Variants in ITGAM observed in about 807,000 individuals in gnomAD.
ITGAM encodes integrin alpha-M.
ITGAM carries 79 observed loss-of-function variants against 137.5 expected under a neutral mutation model. The observed-to-expected ratio is 0.57, with a 90% CI of 0.48 to 0.69. The LOEUF is 0.69. Among genes scored for constraint, ITGAM ranks in the 30% least tolerant of loss-of-function variants. The pLI is 0.00. For synonymous variants in ITGAM, 583 were observed against 592.3 expected (o/e 0.98, Z 0.23); for missense variants, 1,343 against 1,483.5 (o/e 0.91, Z 1.56).
intron 8 of ITGAM, among the ~76,000 whole-genome samples, chr16:31,275,252 C>T (rs988236314): frequency 6.6e-6 from 1 of 152,128 alleles, no homozygotes; most frequent in Non-Finnish European, 1.5e-5. Context: ...GTAGGACATA[C>T]CTTCATATAA....
At chr16:31,327,370 C>G (rs76939857) in intron 22 of ITGAM, among the ~76,000 whole-genome samples, 2,682 of 151,022 alleles carry the variant, frequency 0.018, 87 homozygotes, top group African/African-American at 0.062. Flanking sequence ...AACAATTGCT[C>G]GAACCCAGGA....
chr16:31,273,365 A>T lies in ITGAM; in HGVS notation c.705A>T (p.Val235=). The part of the protein sequence containing the change: ...THTATGIRKV[V]RELFNITNGA... ...TTTGTCCCTCCTGTTTCCTGCACAG[A>T]CGAGAGCTGTTTAACATCACCAACG... The change falls in exon 8 of 30, where the codon GTA becomes GTT. Residue 235 remains valine, a splice_region_variant and synonymous_variant. Transcript: ENST00000544665. 1 of 1,613,452 alleles carries T rather than the reference A, an allele frequency of 6.2e-7. No homozygotes were observed. The highest frequency in any genetic ancestry group is 2.2e-5 in the East Asian group (1 of 44,852).
In ITGAM at chr16:31,331,741, C is replaced by A. The variant is rs978765486; in HGVS notation, c.*34C>A. ...TCCCGACAGAGCTGCCTCTCGGTGGCCAGCAGGACTCTGCCCAGACCACAC... is the reference window on the plus strand; with the variant it reads ...TCCCGACAGAGCTGCCTCTCGGTGGACAGCAGGACTCTGCCCAGACCACAC... On this transcript the variant is annotated 3_prime_UTR_variant, in exon 30 of 30. Transcript: ENST00000544665. The A allele has an allele frequency of 1.3e-6, 2 of 1,521,416 alleles. No individual in the cohort carries two copies. Among genetic ancestry groups the A allele is most frequent in the Non-Finnish European group, 1.8e-6 (2 of 1,118,110 alleles). The allele number at this position is 1,521,416 out of a possible 1,614,324, so 94.2% of individuals were successfully genotyped here.
At chr16:31,312,873 CT>C (rs58746448) in intron 14 of ITGAM, among the ~76,000 whole-genome samples, 92,930 of 137,384 alleles carry the variant, frequency 0.68, 33,142 homozygotes, top group East Asian at 0.97. Context: ...AGGGAGCAGT[CT>C]TTTTTTTTTT....
In ITGAM at chr16:31,288,250, T is replaced by C. The variant is rs188503168; in HGVS notation, c.1357-9264T>C. On this transcript the variant is annotated intron_variant, in intron 12 of 29. Coordinates refer to ENST00000544665, the MANE Select transcript of ITGAM (RefSeq NM_000632.4). ...GGGTAGGTGTGGCTTATCCCAGACA[T>C]GCAGGGCTTGTTCAATATCCCAAAT... 3.5e-3 allele frequency among the ~76,000 whole-genome samples: 533 copies of C among 152,194 alleles called. 6 individuals are homozygous for C. Among genetic ancestry groups the C allele is most frequent in the African/African-American group, 0.012 (507 of 41,512 alleles).
chr16:31,276,718 G>C lies in ITGAM; in HGVS notation c.1057G>C (p.Glu353Gln), dbSNP rs774952814. The change falls in exon 10 of 30, where the codon GAA becomes CAA. Residue 353 changes from glutamate to glutamine, a missense_variant. By Grantham distance (29) the Glu-to-Gln change is conservative. Transcript: ENST00000544665. ...CTCCTTTGAGCATGAGATGTCTCAG[G>C]AAGGCTTCAGCGCTGCCATCACCTC... ...SSSFEHEMSQ[E>Q]GFSAAITSNG... The C allele has an allele frequency of 6.2e-7, 1 of 1,612,136 alleles. No individual in the cohort carries two copies.
At chr16:31,296,948 TAGTC>T (rs1353379446) in intron 12 of ITGAM, among the ~76,000 whole-genome samples, 3 of 152,190 alleles carry the variant, frequency 2.0e-5, no homozygotes, top group Non-Finnish European at 2.9e-5. Context: ...TTAGCCTTAT[TAGTC>T]AGAGTGCCAA....
intron 14 of ITGAM, among the ~76,000 whole-genome samples, chr16:31,317,231 CT>C (rs1008385177): frequency 6.6e-6 from 1 of 152,054 alleles, no homozygotes; most frequent in African/African-American, 2.4e-5. Flanking sequence ...TAACTAGACA[CT>C]TTTTTTAATG....
Position 31,325,399 on chromosome 16 carries a change from C to G in ITGAM, c.2500C>G (p.Leu834Val), listed in dbSNP as rs1203146688. ...CCTGTCCTACCGGAAGGTGTCCACG[C>G]TCCAGGTAGCCACATCCTTCTCAGG... ...LDLSYRKVST[L>V]QNQRSQRSWR... Residue 834 changes from leucine to valine, a missense_variant, in exon 20 of 30, where the codon CTC becomes GTC. Transcript: ENST00000544665. The G allele has an allele frequency of 6.2e-7, 1 of 1,612,776 alleles. No homozygotes were observed. The highest frequency in any genetic ancestry group is 8.5e-7 in the Non-Finnish European group (1 of 1,179,164).
chr16:31,328,520 TGTGTGCGTGC>T (rs2080533984), intron 23 of ITGAM, among the ~76,000 whole-genome samples: 1 of 151,480 alleles, frequency 6.6e-6, no homozygotes, highest in Non-Finnish European at 1.5e-5. Context: ...GATCTATGTG[TGTGTGCGTGC>T]ATGGGTGTGT....
chr16:31,271,839 C>CT lies in ITGAM; in HGVS notation c.559-7dup. ...TCTCCAGCATCACACCAGCCGCCCC[C>CT]TCCGCAGTTCTCTTTGATGCAGTAC... On this transcript the variant is annotated splice_region_variant and splice_polypyrimidine_tract_variant and intron_variant, in intron 6 of 29. Transcript: ENST00000544665. The CT allele has an allele frequency of 6.2e-7, 1 of 1,613,944 alleles. No homozygotes were observed. Among genetic ancestry groups the CT allele is most frequent in the Non-Finnish European group, 8.5e-7 (1 of 1,179,848 alleles).
At chr16:31,292,746 G>T (rs1334667108) in intron 12 of ITGAM, among the ~76,000 whole-genome samples, 2 of 152,070 alleles carry the variant, frequency 1.3e-5, no homozygotes, top group East Asian at 3.9e-4. Flanking sequence ...TGTCTTTATG[G>T]TAGGATGATA....
intron 2 of ITGAM, among the ~76,000 whole-genome samples, chr16:31,262,209 T>A (rs7196256): frequency 0.7 from 105,828 of 151,928 alleles, 37,096 homozygotes; most frequent in Middle Eastern, 0.85. Flanking sequence ...TCCACTTGTC[T>A]CTTACTGTTT....
At chr16:31,300,223 A>T (rs560735942) in intron 14 of ITGAM, among the ~76,000 whole-genome samples, 3 of 152,206 alleles carry the variant, frequency 2.0e-5, no homozygotes, top group African/African-American at 7.2e-5. Flanking sequence ...GGCTATTGTG[A>T]ATAGTGCTGC....
intron 14 of ITGAM, among the ~76,000 whole-genome samples, chr16:31,302,106 C>T (rs771740807): frequency 3.9e-5 from 6 of 152,070 alleles, no homozygotes; most frequent in African/African-American, 9.7e-5. Flanking sequence ...TTGTAGCTAC[C>T]GTCTTTTCTA....
intron 12 of ITGAM, among the ~76,000 whole-genome samples, chr16:31,294,602 A>G (rs1275863881): frequency 6.6e-6 from 1 of 152,186 alleles, no homozygotes; most frequent in Non-Finnish European, 1.5e-5. Context: ...ATGGTGGATT[A>G]GATTTTTGAT....
chr16:31,302,462 T>TCTTTCTTTCTTTCTTC (rs1567268049), intron 14 of ITGAM, among the ~76,000 whole-genome samples: 4 of 94,502 alleles, frequency 4.2e-5, no homozygotes, highest in African/African-American at 2.6e-4. Flanking sequence ...TTCCTTCCTT[T>TCTTTCTTTCTTTCTTC]CTTTCTTTCT....
intron 16 of ITGAM, among the ~76,000 whole-genome samples, chr16:31,323,390 C>A (rs543077075): frequency 4.7e-5 from 7 of 147,394 alleles, no homozygotes; most frequent in Non-Finnish European, 8.9e-5. Context: ...CGCCCCATTG[C>A]ACTCCAGTCT....
intron 7 of ITGAM, among the ~76,000 whole-genome samples, chr16:31,272,465 T>A (rs8062072): frequency 0.023 from 248 of 10,880 alleles, no homozygotes; most frequent in East Asian, 0.052. Flanking sequence ...ATATATATAT[T>A]TTTTTTTTTT....
Sources: allele counts gnomAD v4.1 joint callset (sites outside exome capture counted in the v4.1 genomes callset), GRCh38; gene constraint gnomAD v4.1.1; transcripts MANE v1.5; gene names NCBI Gene and HGNC (gene_info 2026-07-23, HGNC 2026-07-21).